The following SLC4A10 variants were observed in gnomAD, a reference collection of about 807,000 sequenced individuals.
SLC4A10 encodes solute carrier family 4 member 10.
SLC4A10 carries 42 observed loss-of-function variants against 137.7 expected under a neutral mutation model. The observed-to-expected ratio is 0.30, with a 90% CI of 0.24 to 0.39. SLC4A10 has a LOEUF of 0.39. Among genes scored for constraint, SLC4A10 ranks in the 10% least tolerant of loss-of-function variants. SLC4A10 has a pLI of 1.00. For missense variants in SLC4A10, 925 were observed against 1,355.0 expected (o/e 0.68, Z 4.98); for synonymous variants, 474 against 464.1 (o/e 1.02, Z -0.27).
intron 1 of SLC4A10, among the ~76,000 whole-genome samples, chr2:161,747,373 T>C (rs2048498641): frequency 6.6e-6 from 1 of 152,102 alleles, no homozygotes; most frequent in Non-Finnish European, 1.5e-5. Flanking sequence ...CCACAATCAC[T>C]TTTCCTCCTC....
chr2:161,717,542 G>A (rs1235989545), intron 1 of SLC4A10, among the ~76,000 whole-genome samples: 1 of 152,154 alleles, frequency 6.6e-6, no homozygotes, highest in Non-Finnish European at 1.5e-5. Flanking sequence ...TGCATCTAAT[G>A]AGATAATCAC....
intron 3 of SLC4A10, among the ~76,000 whole-genome samples, chr2:161,833,855 TA>T (rs1208941777): frequency 6.6e-6 from 1 of 152,114 alleles, no homozygotes; most frequent in South Asian, 2.1e-4. Flanking sequence ...CTTCAAAAAT[TA>T]AAAAAAGTTT....
intron 14 of SLC4A10, among the ~76,000 whole-genome samples, 190 bp downstream of exon 14, chr2:161,905,099 T>A (rs537887584): frequency 3.3e-5 from 5 of 152,308 alleles, no homozygotes; most frequent in African/African-American, 1.2e-4. Flanking sequence ...TTATGTAATA[T>A]TTTTAAAAAG....
At position 161,749,030 on chromosome 2, in the gene SLC4A10, T is replaced by C. The variant is rs184303590; in HGVS notation, c.49-21943T>C. Among the ~76,000 whole-genome samples the C allele has an allele frequency of 1.4e-4, 22 of 152,172 alleles. No individual in the cohort carries two copies. In the East Asian group the frequency reaches 4.1e-3, roughly 28 times the overall value. On this transcript the variant is annotated intron_variant, in intron 1 of 26. Coordinates refer to ENST00000446997, the MANE Select transcript of SLC4A10 (RefSeq NM_001178015.2). ...ATTTATTCCTAAGTATTTTATTTAT[T>C]TTGATGCTATTGTAAATGAGGTTGT... is the stretch of plus-strand genomic sequence containing the variant.
intron 12 of SLC4A10, chr2:161,901,964 A>AT (rs1654116116): frequency 2.2e-5 from 10 of 452,494 alleles, no homozygotes; most frequent in South Asian, 1.6e-4. Flanking sequence ...CAGGTGTAAC[A>AT]TGCCACATAG....
At chr2:161,690,871 C>T (rs2041913790) in intron 1 of SLC4A10, among the ~76,000 whole-genome samples, 1 of 152,002 alleles carries the variant, frequency 6.6e-6, no homozygotes, top group Admixed American at 6.6e-5. Flanking sequence ...TTGATAGGTG[C>T]AGCAAACCAC....
chr2:161,926,386 G>GTTTTTTTGTTT (rs1689097172), intron 15 of SLC4A10, among the ~76,000 whole-genome samples: 2 of 22,926 alleles, frequency 8.7e-5, no homozygotes, highest in African/African-American at 2.3e-4. Context: ...CCTTTTTTTG[G>GTTTTTTTGTTT]TTTTTTTTTT....
At chr2:161,838,390 A>G (rs1366276997) in intron 3 of SLC4A10, among the ~76,000 whole-genome samples, 2 of 152,178 alleles carry the variant, frequency 1.3e-5, no homozygotes, top group Non-Finnish European at 2.9e-5. Flanking sequence ...AGAAGAAAAC[A>G]TAAAAGAAAA....
At chr2:161,642,422 A>G (rs529189859) in intron 1 of SLC4A10, among the ~76,000 whole-genome samples, 55 of 152,152 alleles carry the variant, frequency 3.6e-4, no homozygotes, top group Admixed American at 2.3e-3. Context: ...GTTCCATAAA[A>G]AAAGATTTGA....
rs550135289 is a variant in SLC4A10, at chr2:161,682,683, A to C, written c.48+58117A>C. On this transcript the variant is annotated intron_variant, in intron 1 of 26. Transcript: ENST00000446997. ...CTGTGGGTTCCATGTGTGTGGCTGCAGTTATCTGGAATAGGGTGGGGGCTG... is the reference window on the plus strand; with the variant it reads ...CTGTGGGTTCCATGTGTGTGGCTGCCGTTATCTGGAATAGGGTGGGGGCTG... Among the ~76,000 whole-genome samples the C allele has an allele frequency of 5.3e-5, 8 of 151,508 alleles. No homozygotes were observed. The South Asian group carries it at 1.7e-3, about 32-fold the overall frequency.
At chr2:161,653,109 TTCTGTTC>T (rs1356346038) in intron 1 of SLC4A10, among the ~76,000 whole-genome samples, 1 of 152,182 alleles carries the variant, frequency 6.6e-6, no homozygotes, top group Non-Finnish European at 1.5e-5. Context: ...GTGTTTGGTT[TTCTGTTC>T]CTGTGTTAGT....
At chr2:161,726,969 G>A (rs1438401590) in intron 1 of SLC4A10, among the ~76,000 whole-genome samples, 2 of 152,192 alleles carry the variant, frequency 1.3e-5, no homozygotes, top group African/African-American at 4.8e-5. Flanking sequence ...TGGATTAAAA[G>A]TTAATCACAC....
At chr2:161,951,411 G>C (rs973661547) in intron 19 of SLC4A10, among the ~76,000 whole-genome samples, 1 of 152,088 alleles carries the variant, frequency 6.6e-6, no homozygotes, top group Non-Finnish European at 1.5e-5. Flanking sequence ...ATGTGTCTTA[G>C]TTACATTCTG....
chr2:161,778,680 T>C (rs1413290172), intron 2 of SLC4A10, among the ~76,000 whole-genome samples: 1 of 151,978 alleles, frequency 6.6e-6, no homozygotes, highest in Admixed American at 6.6e-5. Flanking sequence ...CATTTTAATC[T>C]GATATTCAGG....
chr2:161,874,712 G>A (rs1025010442), intron 8 of SLC4A10, among the ~76,000 whole-genome samples: 1 of 152,174 alleles, frequency 6.6e-6, no homozygotes, highest in Non-Finnish European at 1.5e-5. Context: ...TCATAGCATG[G>A]CACACTGGAA....
At chr2:161,801,628 C>T (rs1487531692) in intron 2 of SLC4A10, among the ~76,000 whole-genome samples, 2 of 152,102 alleles carry the variant, frequency 1.3e-5, no homozygotes, top group Non-Finnish European at 2.9e-5. Flanking sequence ...CTTTCTTCAA[C>T]AGTTAAGACG....
At chr2:161,767,296 C>T (rs1052192619) in intron 1 of SLC4A10, among the ~76,000 whole-genome samples, 30 of 145,154 alleles carry the variant, frequency 2.1e-4, no homozygotes, top group African/African-American at 7.1e-4. Flanking sequence ...AAACTTTATT[C>T]GGTATAAAAC....
rs1264468722 is a variant in SLC4A10, at chr2:161,855,175, T to C, written c.577+45T>C. 5.2e-6 allele frequency: 8 copies of C among 1,532,628 alleles called. No homozygotes were observed. The African/African-American group carries it at 1.1e-4, about 21-fold the overall frequency. 94.9% of individuals were successfully genotyped at this position (1,532,628 alleles called of 1,614,324 possible). ...GTGTATTTTATAGGTACAGCTAATT[T>C]TTTGTTACTCTCTTTTCCTTATAAT... On this transcript the variant is annotated intron_variant, in intron 5 of 26. Transcript: ENST00000446997.
chr2:161,718,104 A>C (rs1023553571), intron 1 of SLC4A10, among the ~76,000 whole-genome samples: 47 of 152,152 alleles, frequency 3.1e-4, no homozygotes, highest in African/African-American at 1.1e-3. Context: ...AGAGGTGTTT[A>C]TAGTATTCTC....
Sources: allele counts gnomAD v4.1 joint callset (sites outside exome capture counted in the v4.1 genomes callset), GRCh38; gene constraint gnomAD v4.1.1; transcripts MANE v1.5; gene names NCBI Gene and HGNC (gene_info 2026-07-23, HGNC 2026-07-21).